The following ATP1A4 variants were observed in gnomAD, a reference collection of about 807,000 sequenced individuals.
ATP1A4 encodes sodium/potassium-transporting ATPase subunit alpha-4.
ATP1A4 carries 90 observed loss-of-function variants against 114.3 expected under a neutral mutation model. That is an observed-to-expected ratio of 0.79 (90% confidence interval 0.66 to 0.94). The LOEUF (loss-of-function observed/expected upper bound fraction) is 0.94, where lower values mean the gene tolerates loss of function less well. Among genes scored for constraint, ATP1A4 ranks in the 40% least tolerant of loss-of-function variants. ATP1A4 has a pLI of 0.00. For synonymous variants in ATP1A4, 511 were observed against 494.1 expected (o/e 1.03, Z -0.45); for missense variants, 1,222 against 1,313.6 (o/e 0.93, Z 1.08).
chr1:160,176,317 G>T (rs1653462214), intron 16 of ATP1A4, 71 bp downstream of exon 16: 1 of 1,601,928 alleles, frequency 6.2e-7, no homozygotes, highest in Non-Finnish European at 8.5e-7. Context: ...TCTGCCTGGA[G>T]CTATCTTACT....
Position 160,152,007 on chromosome 1 carries a change from A to G in ATP1A4, c.-34A>G. ...CTCACTCTCTCAGCTTTCTTCCCAC[A>G]GTTGAGCTCGGGCAGCTCTTTCTGG... On this transcript the variant is annotated 5_prime_UTR_variant, in exon 1 of 22. Coordinates refer to ENST00000368081, the MANE Select transcript of ATP1A4 (RefSeq NM_144699.4). 6.3e-7 allele frequency: 1 copy of G among 1,594,842 alleles called. No individual in the cohort carries two copies. The highest frequency in any genetic ancestry group is 1.1e-5 in the South Asian group (1 of 88,866).
At chr1:160,186,197 A>T (rs1163183518) in intron 20 of ATP1A4, 79 bp from the exon 21 acceptor site, 2 of 972,978 alleles carry the variant, frequency 2.1e-6, no homozygotes, top group African/African-American at 1.6e-5. Flanking sequence ...GAAACGTGCA[A>T]TTCCTGTGCA....
At chr1:160,171,160 A>G in intron 10 of ATP1A4, 91 bp from the exon 11 acceptor site, 2 of 1,256,496 alleles carry the variant, frequency 1.6e-6, no homozygotes, top group East Asian at 4.7e-5. Flanking sequence ...TATGAAACAC[A>G]TTTTTTTACC....
chr1:160,155,039 G>A lies in ATP1A4; in HGVS notation c.208-6G>A, dbSNP rs780542202. 8.7e-6 allele frequency: 14 copies of A among 1,612,652 alleles called. No homozygotes were observed. The South Asian group carries it at 1.3e-4, about 15-fold the overall frequency. The stretch of plus-strand genomic sequence containing the variant: ...CTCTATCCAACCCTATTTCTTCTCT[G>A]CACAGGGCCATAGCCACCAAAGGGC... On this transcript the variant is annotated splice_polypyrimidine_tract_variant and splice_region_variant and intron_variant, in intron 2 of 21. Coordinates refer to ENST00000368081, the MANE Select transcript of ATP1A4 (RefSeq NM_144699.4).
In ATP1A4 at chr1:160,171,425, G is replaced by A; in HGVS notation, c.1666G>A (p.Gly556Arg). The A allele has an allele frequency of 6.2e-7, 1 of 1,614,050 alleles. No homozygotes were observed. Among genetic ancestry groups the A allele is most frequent in the Non-Finnish European group, 8.5e-7 (1 of 1,179,962 alleles). The change falls in exon 11 of 22, where the codon GGG becomes AGG. Residue 556 changes from glycine to arginine, a missense_variant. Gly to Arg is a moderately radical substitution (Grantham distance 125). Transcript: ENST00000368081. ...TGCCTACTTAGAACTGGGAGGTCTGGGGGAACGTGTGCTAGGTGAGGAGCT... is the reference window on the plus strand; with the variant it reads ...TGCCTACTTAGAACTGGGAGGTCTGAGGGAACGTGTGCTAGGTGAGGAGCT... Reference protein sequence around the residue: ...QNAYLELGGLGERVLGFCFLN... With the variant: ...QNAYLELGGLRERVLGFCFLN...
In ATP1A4 at chr1:160,159,538, A is replaced by G. The variant is rs777010224; in HGVS notation, c.778+12A>G. 5.6e-6 allele frequency: 9 copies of G among 1,599,840 alleles called. No individual in the cohort carries two copies. Among genetic ancestry groups the G allele is most frequent in the Non-Finnish European group, 7.7e-6 (9 of 1,170,464 alleles). Reference sequence around the variant, plus strand: ...CAACTGTGTGGAAGGTGAATATCGAACCATAAGTAGCATAGATTCAAAAGC... The same window carrying G: ...CAACTGTGTGGAAGGTGAATATCGAGCCATAAGTAGCATAGATTCAAAAGC... On this transcript the variant is annotated intron_variant, in intron 6 of 21. Coordinates refer to ENST00000368081, the MANE Select transcript of ATP1A4 (RefSeq NM_144699.4).
Position 160,152,346 on chromosome 1 carries a change from A to T in ATP1A4, c.147+159A>T, listed in dbSNP as rs541257715. ...GAGAGGGTTAAAAAAAAAAAAAAAG[A>T]TACACACAGAGAGACAGGGCAGCTC... On this transcript the variant is annotated intron_variant, in intron 1 of 21. Coordinates refer to ENST00000368081, the MANE Select transcript of ATP1A4 (RefSeq NM_144699.4). 3.0e-4 allele frequency among the ~76,000 whole-genome samples: 44 copies of T among 149,068 alleles called. No homozygotes were observed. The South Asian group carries it at 9.5e-3, about 32-fold the overall frequency.
intron 4 of ATP1A4, among the ~76,000 whole-genome samples, chr1:160,157,363 G>T (rs755653217): frequency 6.6e-6 from 1 of 152,046 alleles, no homozygotes; most frequent in Non-Finnish European, 1.5e-5. Context: ...AGTAGGCCTT[G>T]GTGTCTGTTT....
At chr1:160,165,492 G>T (rs531020835) in intron 7 of ATP1A4, among the ~76,000 whole-genome samples, 4 of 152,338 alleles carry the variant, frequency 2.6e-5, no homozygotes, top group South Asian at 2.1e-4. Flanking sequence ...GGGCGCGGTG[G>T]CTCACACCTG....
rs527303426 is a variant in ATP1A4 at position 160,186,086 on chromosome 1, C to CAAAAAAAAAAAAAAAAAAAAAAAAAA, written c.2970-168_2970-167insAAAAAAAAAAAAAAAAAAAAAAAAAA. Among the ~76,000 whole-genome samples, 3 of 32,790 alleles carry CAAAAAAAAAAAAAAAAAAAAAAAAAA rather than the reference C, an allele frequency of 9.1e-5. 1 individual carries two copies. The highest frequency in any genetic ancestry group is 3.8e-4 in the African/African-American group (3 of 7,892). The allele number at this position is 32,790 out of a possible 152,430, so 21.5% of individuals were successfully genotyped here. ...TGGGCAACAGAACAAGACTCTGTCGCAAAAAAAAAAAAAAAAAAAAAAGGG... is the reference window on the plus strand; with the variant it reads ...TGGGCAACAGAACAAGACTCTGTCGCAAAAAAAAAAAAAAAAAAAAAAAAAAAAAAAAAAAAAAAAAAAAAAAAGGG... On this transcript the variant is annotated intron_variant, in intron 20 of 21. Transcript: ENST00000368081.
intron 21 of ATP1A4, 56 bp downstream of exon 21, chr1:160,186,423 T>A: frequency 7.3e-7 from 1 of 1,370,994 alleles, no homozygotes; most frequent in Non-Finnish European, 1.0e-6. Flanking sequence ...CCTCACTAGC[T>A]CTCCCATCCC....
In ATP1A4 at chr1:160,155,085, G is replaced by T. The variant is rs6427504; in HGVS notation, c.248G>T (p.Gly83Val). 1 of 1,613,562 alleles carries T rather than the reference G, an allele frequency of 6.2e-7. No homozygotes were observed. The highest frequency in any genetic ancestry group is 1.1e-5 in the South Asian group (1 of 91,056). ...HQRAKEILTR[G>V]GPNTVTPPPT... ...AGGGCAAAGGAAATCCTGACTCGAGGTGGACCCAATACTGTTACCCCACCC... is the reference window on the plus strand; with the variant it reads ...AGGGCAAAGGAAATCCTGACTCGAGTTGGACCCAATACTGTTACCCCACCC... The change falls in exon 3 of 22, where the codon GGT (glycine) becomes GTT (valine). Residue 83 changes from glycine (G) to valine (V), a missense_variant. Coordinates refer to ENST00000368081, the MANE Select transcript of ATP1A4 (RefSeq NM_144699.4).
intron 15 of ATP1A4, among the ~76,000 whole-genome samples, chr1:160,175,381 A>T (rs1653424336): frequency 6.6e-6 from 1 of 151,938 alleles, no homozygotes; most frequent in Admixed American, 6.6e-5. Flanking sequence ...TAATCCTGAC[A>T]CTTTGCTTGG....
intron 18 of ATP1A4, among the ~76,000 whole-genome samples, chr1:160,178,032 C>A (rs1175312505): frequency 6.6e-6 from 1 of 152,128 alleles, no homozygotes; most frequent in Non-Finnish European, 1.5e-5. Context: ...TCCTCTTATA[C>A]TCTCCCTCCA....
At chr1:160,165,230 C>T (rs1381333796) in intron 7 of ATP1A4, among the ~76,000 whole-genome samples, 1 of 152,114 alleles carries the variant, frequency 6.6e-6, no homozygotes, top group Non-Finnish European at 1.5e-5. Flanking sequence ...TTTGGACTAG[C>T]ACAAAAATGT....
chr1:160,159,096 T>A lies in ATP1A4; in HGVS notation c.620T>A (p.Val207Asp). Residue 207 changes from valine (V) to aspartate (D), a missense_variant, in exon 5 of 22, where the codon GTC becomes GAC. Coordinates refer to ENST00000368081, the MANE Select transcript of ATP1A4 (RefSeq NM_144699.4). The stretch of plus-strand genomic sequence containing the variant: ...GTGGAAATCAAGGGTGGAGACCGAG[T>A]CCCTGCTGACCTCCGGCTTATCTCT... ...DLVEIKGGDR[V>D]PADLRLISAQ... is the part of the protein sequence containing the mutation. 6.2e-7 allele frequency: 1 copy of A among 1,614,014 alleles called. No homozygotes were observed.
intron 10 of ATP1A4, among the ~76,000 whole-genome samples, chr1:160,169,243 A>C (rs1300872750): frequency 1.3e-5 from 2 of 152,232 alleles, no homozygotes; most frequent in Non-Finnish European, 1.5e-5. Flanking sequence ...GGCGGTTTGC[A>C]GAGCCTGGTC....
chr1:160,167,238 C>T, intron 9 of ATP1A4, 40 bp from the exon 10 acceptor site: 3 of 1,572,166 alleles, frequency 1.9e-6, no homozygotes, highest in Non-Finnish European at 1.7e-6. Context: ...GCCCAGGTAG[C>T]ATGCCCCTGG....
At chr1:160,173,881 C>T (rs1653354657) in intron 13 of ATP1A4, among the ~76,000 whole-genome samples, 164 bp downstream of exon 13, 1 of 152,068 alleles carries the variant, frequency 6.6e-6, no homozygotes, top group Non-Finnish European at 1.5e-5. Flanking sequence ...GTGAATATGT[C>T]AGTGGGTTTT....
Sources: allele counts gnomAD v4.1 joint callset (sites outside exome capture counted in the v4.1 genomes callset), GRCh38; gene constraint gnomAD v4.1.1; transcripts MANE v1.5; gene names NCBI Gene and HGNC (gene_info 2026-07-23, HGNC 2026-07-21).